GUCY2C: variants seen among roughly 807,000 people sequenced by gnomAD.
GUCY2C encodes the protein guanylyl cyclase C.
A neutral mutation model predicts 131.1 loss-of-function variants in GUCY2C; 118 were observed. That is an observed-to-expected ratio of 0.90 (90% CI 0.78 to 1.05). The LOEUF is 1.05. GUCY2C is among the 50% of genes least tolerant of loss of function. The pLI is 0.00. For missense variants in GUCY2C, 1,161 were observed against 1,304.4 expected, an observed-to-expected ratio of 0.89 and a Z score of 1.69; for synonymous variants, 452 against 457.8, an observed-to-expected ratio of 0.99 and a Z score of 0.16.
rs572692813 is a variant in GUCY2C at position 14,615,873 on chromosome 12, G to A, written c.2970+760C>T. On this transcript the variant is annotated intron_variant, in intron 25 of 26. Transcript: ENST00000261170. ...AAAGGCCAGAAGCATTATGGCTACCGGAGACAGGTAACTTACAGTTAATAG... is the reference window on the plus strand; with the variant it reads ...AAAGGCCAGAAGCATTATGGCTACCAGAGACAGGTAACTTACAGTTAATAG... Among the ~76,000 whole-genome samples, 16 of 152,230 alleles carry A rather than the reference G, an allele frequency of 1.1e-4. No homozygotes were observed. The East Asian group carries it at 2.7e-3, about 26-fold the overall frequency.
intron 1 of GUCY2C, among the ~76,000 whole-genome samples, chr12:14,689,596 C>A (rs1240821550): frequency 6.6e-6 from 1 of 152,128 alleles, no homozygotes; most frequent in Non-Finnish European, 1.5e-5. Flanking sequence ...GTTTGTCTTA[C>A]CAGAGTCCCA....
rs981622218 is a variant in GUCY2C, at chr12:14,628,863, C to T, written c.2158-126G>A. The T allele has an allele frequency of 1.7e-5, 11 of 637,466 alleles. No homozygotes were observed. In the Admixed American group the frequency reaches 1.8e-4, roughly 11 times the overall value. 39.5% of individuals were successfully genotyped at this position (637,466 alleles called of 1,614,324 possible). On this transcript the variant is annotated intron_variant, in intron 19 of 26. Transcript: ENST00000261170. The stretch of plus-strand genomic sequence containing the variant: ...GTTTAAAAATATCTTCAACTCAGTG[C>T]GGACAAGAGATCCCCAGCTCTCTGG...
At chr12:14,623,070 C>T (rs1266581457) in intron 21 of GUCY2C, among the ~76,000 whole-genome samples, 4 of 152,098 alleles carry the variant, frequency 2.6e-5, no homozygotes, top group Non-Finnish European at 4.4e-5. Context: ...GGAGGTTCCA[C>T]GGAAGTCATT....
chr12:14,671,830 G>A (rs537922713), intron 9 of GUCY2C, among the ~76,000 whole-genome samples: 3 of 152,104 alleles, frequency 2.0e-5, no homozygotes, highest in Non-Finnish European at 2.9e-5. Flanking sequence ...AGTATTGATG[G>A]GATCTTATGT....
At position 14,665,281 on chromosome 12, in the gene GUCY2C, G is replaced by T. The variant is rs1052241985; in HGVS notation, c.1283-4219C>A. 3.2e-4 allele frequency among the ~76,000 whole-genome samples: 48 copies of T among 151,408 alleles called. 1 individual carries two copies. Among genetic ancestry groups the T allele is most frequent in the Non-Finnish European group, 5.9e-5 (4 of 67,900 alleles). On this transcript the variant is annotated intron_variant, in intron 10 of 26. Transcript: ENST00000261170. ...TCCGGTTAAATCTTGAGGATGAGTA[G>T]ATGTTTCCCACCTCTATGGAGAAGT...
chr12:14,670,365 G>A (rs755494127), intron 9 of GUCY2C, among the ~76,000 whole-genome samples: 12 of 152,056 alleles, frequency 7.9e-5, no homozygotes, highest in Non-Finnish European at 1.8e-4. Flanking sequence ...CTATTCCTTG[G>A]CTCTAATATG....
chr12:14,685,272 C>T (rs527799141), intron 3 of GUCY2C, among the ~76,000 whole-genome samples: 17 of 152,160 alleles, frequency 1.1e-4, no homozygotes, highest in South Asian at 6.2e-4. Flanking sequence ...TGGATCTGTC[C>T]GCATTTTGGT....
At chr12:14,627,925 T>C (rs924744950) in intron 20 of GUCY2C, among the ~76,000 whole-genome samples, 1 of 152,206 alleles carries the variant, frequency 6.6e-6, no homozygotes, top group African/African-American at 2.4e-5. Flanking sequence ...TCTGAGTCTT[T>C]TGACCTAATG....
At chr12:14,660,929 C>T (rs1346529075) in intron 11 of GUCY2C, 52 bp downstream of exon 11, 1 of 1,163,772 alleles carries the variant, frequency 8.6e-7, no homozygotes, top group African/African-American at 1.5e-5. Flanking sequence ...CTCCCACTTT[C>T]CCTTCCTGCC....
chr12:14,629,930 G>A (rs1947104606), intron 19 of GUCY2C, among the ~76,000 whole-genome samples: 1 of 152,072 alleles, frequency 6.6e-6, no homozygotes, highest in African/African-American at 2.4e-5. Context: ...GTATAAGTAT[G>A]TCGCAAATAT....
chr12:14,664,043 A>G (rs1266767427), intron 10 of GUCY2C, among the ~76,000 whole-genome samples: 1 of 152,158 alleles, frequency 6.6e-6, no homozygotes, highest in Non-Finnish European at 1.5e-5. Context: ...CCTTTGTATA[A>G]GGGCTGAATT....
At chr12:14,659,728 C>A (rs80093077) in intron 11 of GUCY2C, among the ~76,000 whole-genome samples, 371 of 152,304 alleles carry the variant, frequency 2.4e-3, no homozygotes, top group African/African-American at 8.6e-3. Context: ...GTCATTCATA[C>A]TGAATTAGGG....
chr12:14,643,473 G>T, intron 17 of GUCY2C, 101 bp downstream of exon 17: 1 of 1,009,690 alleles, frequency 9.9e-7, no homozygotes, highest in Non-Finnish European at 1.5e-6. Flanking sequence ...GTGGCTTTAA[G>T]TGCTTATCTT....
chr12:14,619,175 TC>T (rs1387130240), intron 24 of GUCY2C, 35 bp downstream of exon 24: 2 of 1,257,324 alleles, frequency 1.6e-6, no homozygotes, highest in Admixed American at 1.7e-5. Context: ...GAAAACAGCA[TC>T]TTTGTCCTCT....
intron 19 of GUCY2C, among the ~76,000 whole-genome samples, chr12:14,634,130 G>A (rs1317967263): frequency 6.6e-6 from 1 of 152,040 alleles, no homozygotes; most frequent in African/African-American, 2.4e-5. Context: ...TCTAAAAATA[G>A]CAAGAAAAAA....
Position 14,613,978 on chromosome 12 carries a change from G to T in GUCY2C, c.3048-687C>A, listed in dbSNP as rs193036039. ...CTGAAACTTTGTCTTCCTCATCTCA[G>T]GGAGAACACAGACTTCATGTTAAGA... On this transcript the variant is annotated intron_variant, in intron 26 of 26. Coordinates refer to ENST00000261170, the MANE Select transcript of GUCY2C (RefSeq NM_004963.4). This position sits in a 1 kb window ranked among gnomAD's most constrained non-coding sequence, Gnocchi z 4.9. 8.9e-4 allele frequency among the ~76,000 whole-genome samples: 136 copies of T among 152,214 alleles called. No homozygotes were observed. In the Middle Eastern group the frequency reaches 0.024, roughly 27 times the overall value.
chr12:14,673,500 G>A (rs536471718), intron 8 of GUCY2C, among the ~76,000 whole-genome samples: 7 of 152,080 alleles, frequency 4.6e-5, no homozygotes, highest in Non-Finnish European at 8.8e-5. Context: ...ACATAACAAT[G>A]AACATTTATT....
chr12:14,641,710 A>C (rs1011705525), intron 17 of GUCY2C, among the ~76,000 whole-genome samples: 8 of 152,306 alleles, frequency 5.3e-5, no homozygotes, highest in African/African-American at 1.9e-4. Flanking sequence ...AGGCCAAGGC[A>C]GGTGGATCAC....
chr12:14,689,353 T>A (rs1268320123), intron 1 of GUCY2C, among the ~76,000 whole-genome samples: 1 of 151,890 alleles, frequency 6.6e-6, no homozygotes, highest in East Asian at 1.9e-4. Context: ...GGTTTGCTAA[T>A]GTGGTGTGTG....
Sources: allele counts gnomAD v4.1 joint callset (sites outside exome capture counted in the v4.1 genomes callset), GRCh38; gene constraint gnomAD v4.1.1; non-coding constraint Gnocchi (gnomAD v3.1); transcripts MANE v1.5; gene names NCBI Gene and HGNC (gene_info 2026-07-23, HGNC 2026-07-21).